RABGEF1: variants seen among roughly 807,000 people sequenced by gnomAD.
The protein encoded by RABGEF1 is RAB guanine nucleotide exchange factor 1.
A neutral mutation model predicts 57.3 loss-of-function variants in RABGEF1; 26 were observed. The observed-to-expected ratio is 0.45, with a 90% CI of 0.33 to 0.63. RABGEF1 has a LOEUF of 0.63. Ranked by LOEUF, RABGEF1 falls within the 20% of genes least tolerant of loss-of-function variation. The pLI is 0.02. For synonymous variants in RABGEF1, 185 were observed against 210.7 expected, an observed-to-expected ratio of 0.88 and a Z score of 1.06; for missense variants, 464 against 607.6, an observed-to-expected ratio of 0.76 and a Z score of 2.48.
intron 1 of RABGEF1, among the ~76,000 whole-genome samples, chr7:66,769,598 A>G (rs17138012): frequency 0.071 from 10,799 of 152,238 alleles, 1,241 homozygotes; most frequent in African/African-American, 0.24. Flanking sequence ...ACGTAGATGC[A>G]TTGCAGAAAG....
intron 1 of RABGEF1, among the ~76,000 whole-genome samples, chr7:66,683,777 G>A (rs921625441): frequency 6.6e-6 from 1 of 151,930 alleles, no homozygotes; most frequent in African/African-American, 2.4e-5. Context: ...GTCTCACTTT[G>A]TCACCCAGGC....
chr7:66,757,833 G>A (rs1476973212), intron 1 of RABGEF1, among the ~76,000 whole-genome samples: 2 of 152,106 alleles, frequency 1.3e-5, no homozygotes, highest in Admixed American at 6.5e-5. Context: ...GGATGGTCTC[G>A]ATCTTCTGAC....
chr7:66,706,820 C>T (rs1482815634), intron 1 of RABGEF1, among the ~76,000 whole-genome samples: 3 of 124,928 alleles, frequency 2.4e-5, no homozygotes, highest in South Asian at 2.7e-4. Flanking sequence ...CTTGCTCTGT[C>T]GCCCAGGCTG....
chr7:66,732,551 C>T (rs936310794), intron 2 of RABGEF1, among the ~76,000 whole-genome samples: 7 of 152,094 alleles, frequency 4.6e-5, no homozygotes, highest in African/African-American at 7.2e-5. Context: ...AAGCCTCCCC[C>T]GATCCTCTGG....
chr7:66,758,705 G>A (rs887210721), intron 1 of RABGEF1, among the ~76,000 whole-genome samples: 4 of 152,192 alleles, frequency 2.6e-5, no homozygotes, highest in South Asian at 2.1e-4. Context: ...GCCTTCTACC[G>A]TAACAGCTGT....
rs779158124 is a variant in RABGEF1 at position 66,808,990 on chromosome 7, A to G, written c.1182A>G (p.Gln394=). The G allele has an allele frequency of 3.8e-5, 62 of 1,614,004 alleles. No individual in the cohort carries two copies. The highest frequency in any genetic ancestry group is 5.3e-5 in the Non-Finnish European group (62 of 1,180,024). Residue 394 remains glutamine (Q), a synonymous_variant, in exon 9 of 9, where the codon CAA becomes CAG. Transcript: ENST00000284957. ...CTGGCCAGACCTCTCCCAGGAAGCA[A>G]GAAGCTGAGAGTTGGTCTCCTGATG... The part of the protein sequence containing the change: ...YMSGQTSPRK[Q]EAESWSPDAC...
chr7:66,701,847 A>T (rs1293194162), intron 1 of RABGEF1, among the ~76,000 whole-genome samples: 1 of 152,134 alleles, frequency 6.6e-6, no homozygotes, highest in South Asian at 2.1e-4. Context: ...CTATTTTCTT[A>T]TAAGTCTGTG....
At chr7:66,763,570 A>T (rs1804977962) in intron 1 of RABGEF1, among the ~76,000 whole-genome samples, 1 of 152,214 alleles carries the variant, frequency 6.6e-6, no homozygotes, top group East Asian at 1.9e-4. Flanking sequence ...TTTGAAGTGC[A>T]CACTTAAGTG....
chr7:66,809,282 T>C lies in RABGEF1; in HGVS notation c.1474T>C (p.Ter492ArgextTer14). The C allele has an allele frequency of 6.2e-7, 1 of 1,604,852 alleles. No individual in the cohort carries two copies. The highest frequency in any genetic ancestry group is 2.2e-5 in the East Asian group (1 of 44,684). ...ACTGCAACCTCAAGTTTATGCAGGA[T>C]GATCACAATTTAGTGGAGAGTATTT... ...PPLQPQVYAG[*>R] is the part of the protein sequence containing the mutation. Residue 492 changes from the stop codon to arginine (R), a stop_lost, in exon 9 of 9, where the codon TGA (stop) becomes CGA (arginine). Coordinates refer to ENST00000284957, the MANE Select transcript of RABGEF1 (RefSeq NM_014504.3).
intron 2 of RABGEF1, chr7:66,773,964 C>T (rs1287951114): frequency 5.4e-6 from 2 of 373,026 alleles, no homozygotes; most frequent in Admixed American, 6.9e-5. Flanking sequence ...CTGCACCTGG[C>T]CTGTGTTTGG....
the RABGEF1 span, among the ~76,000 whole-genome samples, chr7:66,676,088 T>C: frequency 6.6e-6 from 1 of 152,078 alleles, no homozygotes; most frequent in African/African-American, 2.4e-5. Flanking sequence ...TGGGAGGCCG[T>C]GGCAGACAGA....
chr7:66,667,166 G>A, the RABGEF1 span, among the ~76,000 whole-genome samples: 1 of 152,206 alleles, frequency 6.6e-6, no homozygotes, highest in African/African-American at 2.4e-5. Context: ...GGCACCACAG[G>A]AGGTTTGCCA....
At chr7:66,788,474 A>ACAAAC (rs1811769973) in intron 4 of RABGEF1, among the ~76,000 whole-genome samples, 1 of 151,378 alleles carries the variant, frequency 6.6e-6, no homozygotes, top group African/African-American at 2.4e-5. Flanking sequence ...ACAAAACAAA[A>ACAAAC]CACCCCTCAT....
chr7:66,806,411 C>G (rs1788447980), intron 8 of RABGEF1, among the ~76,000 whole-genome samples: 1 of 152,108 alleles, frequency 6.6e-6, no homozygotes, highest in Non-Finnish European at 1.5e-5. Flanking sequence ...GGACCTGCCC[C>G]CATCACTCAT....
intron 1 of RABGEF1, among the ~76,000 whole-genome samples, chr7:66,751,284 G>T (rs1431397709): frequency 4.6e-5 from 7 of 152,100 alleles, no homozygotes; most frequent in Non-Finnish European, 1.0e-4. Context: ...GCCTGCCTCG[G>T]CCTCCCAAAG....
intron 2 of RABGEF1, 59 bp downstream of exon 2, chr7:66,772,137 C>G: frequency 7.8e-7 from 1 of 1,282,490 alleles, no homozygotes; most frequent in Non-Finnish European, 1.0e-6. Context: ...ATAGTTCTGT[C>G]ACCGTCTAAA....
intron 2 of RABGEF1, among the ~76,000 whole-genome samples, chr7:66,719,647 A>G (rs556848994): frequency 8.5e-4 from 129 of 152,358 alleles, no homozygotes; most frequent in African/African-American, 3.0e-3. Flanking sequence ...AAGTAATTTT[A>G]TGAGGCCAGT....
intron 1 of RABGEF1, among the ~76,000 whole-genome samples, chr7:66,704,680 G>A (rs1793746557): frequency 1.3e-5 from 2 of 151,778 alleles, no homozygotes; most frequent in Non-Finnish European, 2.9e-5. Context: ...GCGTGGTGGT[G>A]GGCGCCTGTA....
intron 1 of RABGEF1, among the ~76,000 whole-genome samples, chr7:66,697,224 G>A (rs1423544141): frequency 6.6e-6 from 1 of 152,094 alleles, no homozygotes; most frequent in Non-Finnish European, 1.5e-5. Flanking sequence ...TTCAATAAGA[G>A]ACCCAGAGCC....
Sources: gnomAD v4.1 joint callset for allele counts (sites outside exome capture counted in the v4.1 genomes callset) on GRCh38, gnomAD v4.1.1 for gene constraint, MANE v1.5 for transcripts, NCBI Gene and HGNC (gene_info 2026-07-23, HGNC 2026-07-21) for gene names.